SATL1: variants seen among roughly 807,000 people sequenced by gnomAD.
SATL1 encodes the protein spermidine/spermine N(1)-acetyltransferase-like protein 1.
Under a neutral mutation model 51.8 loss-of-function variants are expected in SATL1, and 47 were observed. That is an observed-to-expected ratio of 0.91 (90% confidence interval 0.72 to 1.16). The LOEUF (loss-of-function observed/expected upper bound fraction) is 1.16, where lower values mean the gene tolerates loss of function less well. Ranked by LOEUF, SATL1 falls within the 50% of genes most tolerant of loss-of-function variation. The pLI, the probability that SATL1 is intolerant of heterozygous loss-of-function variation, is 0.00. For synonymous variants in SATL1, 176 were observed against 182.4 expected (o/e 0.97, Z 0.28); for missense variants, 520 against 526.4 (o/e 0.99, Z 0.12).
intron 1 of SATL1, among the ~76,000 whole-genome samples, chrX:85,227,290 AC>A (rs1417532545): frequency 1.8e-5 from 2 of 111,612 alleles, no homozygotes; most frequent in Non-Finnish European, 3.8e-5. Flanking sequence ...TCTACCTGAT[AC>A]CCTTACTTAC....
chrX:85,119,173 T>C (rs1238881626), intron 2 of SATL1, among the ~76,000 whole-genome samples: 2 of 111,247 alleles, frequency 1.8e-5, no homozygotes, highest in Non-Finnish European at 3.8e-5. Context: ...AAACTGAGGC[T>C]TAGAGAAGCT....
intron 1 of SATL1, among the ~76,000 whole-genome samples, chrX:85,235,959 G>C (rs1928473261): frequency 9.0e-6 from 1 of 111,043 alleles, no homozygotes; most frequent in South Asian, 3.7e-4. Context: ...AAGATAAAAA[G>C]AGAGAAGACA....
chrX:85,126,748 T>C (rs1450637796), intron 2 of SATL1, among the ~76,000 whole-genome samples: 2 of 110,689 alleles, frequency 1.8e-5, no homozygotes, highest in Non-Finnish European at 3.8e-5. Context: ...TAGCACAAAT[T>C]AGGTACCTAG....
At chrX:85,111,798 T>C (rs920833015) in intron 2 of SATL1, among the ~76,000 whole-genome samples, 1 of 112,193 alleles carries the variant, frequency 8.9e-6, no homozygotes, top group Non-Finnish European at 1.9e-5. Context: ...TTTGAATTAA[T>C]GTAACATATG....
chrX:85,128,479 C>A (rs777793417), intron 2 of SATL1, among the ~76,000 whole-genome samples: 3 of 112,225 alleles, frequency 2.7e-5, no homozygotes, highest in South Asian at 7.4e-4. Flanking sequence ...CCTTTACCCA[C>A]TTTTTGATAT....
chrX:85,161,774 G>T (rs1355648489), intron 2 of SATL1, among the ~76,000 whole-genome samples: 1 of 110,876 alleles, frequency 9.0e-6, no homozygotes, highest in Admixed American at 9.6e-5. Context: ...CAGAAAATTG[G>T]ATATTCAGGA....
chrX:85,162,156 G>A lies in SATL1; in HGVS notation c.-312-52876C>T, dbSNP rs777156062. On this transcript the variant is annotated intron_variant, in intron 2 of 7. Transcript: ENST00000644105. ...AACATACCAGAATCTCTGAGATACA[G>A]CTAAGGCAAAGTTAAGAAAGAAATT... is the stretch of plus-strand genomic sequence containing the variant. Among the ~76,000 whole-genome samples the A allele has an allele frequency of 6.3e-5, 7 of 111,895 alleles. No individual in the cohort carries two copies. The East Asian group carries it at 2.0e-3, about 31-fold the overall frequency.
At chrX:85,194,851 C>T (rs1215333432) in intron 2 of SATL1, among the ~76,000 whole-genome samples, 6 of 85,119 alleles carry the variant, frequency 7.0e-5, no homozygotes, top group African/African-American at 2.7e-4. Flanking sequence ...GGAAGGGGAA[C>T]ATCACACACT....
intron 2 of SATL1, among the ~76,000 whole-genome samples, chrX:85,202,205 A>G (rs972661534): frequency 8.9e-6 from 1 of 112,184 alleles, no homozygotes; most frequent in Non-Finnish European, 1.9e-5. Context: ...TAGATGCTGG[A>G]TATTAGACCT....
chrX:85,137,609 C>A (rs1309268490), intron 2 of SATL1, among the ~76,000 whole-genome samples: 1 of 111,562 alleles, frequency 9.0e-6, no homozygotes, highest in Non-Finnish European at 1.9e-5. Context: ...TGATTTTCAG[C>A]AGTTTAAATT....
At chrX:85,122,611 G>T (rs1324815034) in intron 2 of SATL1, among the ~76,000 whole-genome samples, 1 of 110,020 alleles carries the variant, frequency 9.1e-6, no homozygotes, top group Non-Finnish European at 1.9e-5. Flanking sequence ...AAATAAATAA[G>T]TGTACAAAAA....
intron 2 of SATL1, among the ~76,000 whole-genome samples, chrX:85,205,430 A>G (rs887197201): frequency 8.9e-6 from 1 of 112,270 alleles, no homozygotes; most frequent in African/African-American, 3.2e-5. Flanking sequence ...ATTGTGATAA[A>G]TTCTATAAAT....
chrX:85,105,770 T>G (rs1925023949), intron 3 of SATL1, among the ~76,000 whole-genome samples: 1 of 112,305 alleles, frequency 8.9e-6, no homozygotes, highest in African/African-American at 3.2e-5. Context: ...GAACAGGAGT[T>G]AGGACAAATG....
chrX:85,203,178 C>T (rs1328761374), intron 2 of SATL1, among the ~76,000 whole-genome samples: 2 of 111,950 alleles, frequency 1.8e-5, no homozygotes, highest in Non-Finnish European at 3.8e-5. Flanking sequence ...GATGGCAGCC[C>T]GTCCTTCCCT....
intron 2 of SATL1, among the ~76,000 whole-genome samples, chrX:85,115,939 G>T (rs1206223341): frequency 9.0e-6 from 1 of 111,391 alleles, no homozygotes; most frequent in Non-Finnish European, 1.9e-5. Context: ...ATCAGCCAGG[G>T]GGAGCAGAGC....
chrX:85,197,135 A>G (rs1449685489), intron 2 of SATL1, among the ~76,000 whole-genome samples: 2 of 112,314 alleles, frequency 1.8e-5, no homozygotes, highest in Non-Finnish European at 3.8e-5. Context: ...GAGCTCCTAC[A>G]ACTCAAAAGT....
chrX:85,237,625 T>G (rs1928506252), intron 1 of SATL1, among the ~76,000 whole-genome samples: 1 of 111,201 alleles, frequency 9.0e-6, no homozygotes, highest in African/African-American at 3.3e-5. Flanking sequence ...TAGAAAACAT[T>G]GGGGGAAACT....
chrX:85,210,754 T>A (rs1235053642), intron 2 of SATL1: 1 of 111,808 alleles, frequency 8.9e-6, no homozygotes, highest in Non-Finnish European at 1.9e-5. Flanking sequence ...GAAGCTTTCT[T>A]GCCAATCTTC....
rs369540498 is a variant in SATL1, at chrX:85,107,179, A to G, written c.1641+149T>C. The G allele has an allele frequency of 8.9e-4, 392 of 442,145 alleles. 1 individual carries two copies. The highest frequency in any genetic ancestry group is 8.5e-3 in the African/African-American group (345 of 40,642). 36.4% of individuals were successfully genotyped at this position (442,145 alleles called of 1,213,427 possible). On this transcript the variant is annotated intron_variant, in intron 3 of 7. Coordinates refer to ENST00000644105, the MANE Select transcript of SATL1 (RefSeq NM_001367857.2). ...TTGTTATAATCTTGATTTTAGATGCAGAAAATGAAGAGTAAAGAGGTTAAG... is the reference window on the plus strand; with the variant it reads ...TTGTTATAATCTTGATTTTAGATGCGGAAAATGAAGAGTAAAGAGGTTAAG...
Sources: allele counts gnomAD v4.1 joint callset (sites outside exome capture counted in the v4.1 genomes callset), GRCh38; gene constraint gnomAD v4.1.1; transcripts MANE v1.5; gene names NCBI Gene and HGNC (gene_info 2026-07-23, HGNC 2026-07-21).